The following UBL7 variants were observed in gnomAD, a reference collection of about 807,000 sequenced individuals.
The protein encoded by UBL7 is ubiquitin like 7.
Under a neutral mutation model 41.7 loss-of-function variants are expected in UBL7, and 21 were observed. That is an observed-to-expected ratio of 0.50 (90% CI 0.36 to 0.73). The LOEUF (loss-of-function observed/expected upper bound fraction) is 0.73, where lower values mean the gene tolerates loss of function less well. UBL7 is among the 30% of genes least tolerant of loss of function. The pLI, the probability that UBL7 is intolerant of heterozygous loss-of-function variation, is 0.00. For missense variants in UBL7, 403 were observed against 478.4 expected (o/e 0.84, Z 1.47); for synonymous variants, 157 against 186.9 (o/e 0.84, Z 1.31).
chr15:74,448,690 C>G, intron 9 of UBL7, 90 bp from the exon 10 acceptor site: 6 of 1,528,242 alleles, frequency 3.9e-6, no homozygotes, highest in Non-Finnish European at 5.3e-6. Flanking sequence ...TCACAGCACT[C>G]CTGAGGTACC....
intron 1 of UBL7, among the ~76,000 whole-genome samples, chr15:74,459,373 T>G (rs963947004): frequency 6.6e-6 from 1 of 150,670 alleles, no homozygotes; most frequent in African/African-American, 2.4e-5. Context: ...CGATCTCGGC[T>G]CACTGCAAGC....
At chr15:74,458,932 G>T in intron 1 of UBL7, 36 bp from the exon 2 acceptor site, 1 of 1,584,582 alleles carries the variant, frequency 6.3e-7, no homozygotes, top group Non-Finnish European at 8.6e-7. Flanking sequence ...TTAAAAGACA[G>T]ACCACCACTC....
chr15:74,458,390 G>T (rs566001097), intron 2 of UBL7, among the ~76,000 whole-genome samples: 3 of 151,880 alleles, frequency 2.0e-5, no homozygotes, highest in African/African-American at 7.3e-5. Context: ...AGCCGAGATC[G>T]CACCACTGCA....
chr15:74,461,104 T>C lies in UBL7; in HGVS notation c.-97A>G, dbSNP rs1333435349. 5 of 997,932 alleles carry C rather than the reference T, an allele frequency of 5.0e-6. No individual in the cohort carries two copies. The highest frequency in any genetic ancestry group is 4.8e-6 in the Non-Finnish European group (4 of 836,278). 61.8% of individuals were successfully genotyped at this position (997,932 alleles called of 1,614,324 possible). On this transcript the variant is annotated 5_prime_UTR_variant, in exon 1 of 11. Coordinates refer to ENST00000395081, the MANE Select transcript of UBL7 (RefSeq NM_032907.5). ...CGCGCTGCCCAGGGCCCCAGCGCCC[T>C]CACCCGTCCCGCGGAAGGAACCCGG...
intron 1 of UBL7, among the ~76,000 whole-genome samples, chr15:74,459,910 G>A (rs2061332052): frequency 8.1e-6 from 1 of 122,718 alleles, no homozygotes; most frequent in Non-Finnish European, 1.6e-5. Flanking sequence ...TCCAGCCTGG[G>A]TGACAGAGAG....
At position 74,446,682 on chromosome 15, in the gene UBL7, T is replaced by C. The variant is rs1719769315; in HGVS notation, c.1006-455A>G. Among the ~76,000 whole-genome samples the C allele has an allele frequency of 6.6e-6, 1 of 152,218 alleles. No homozygotes were observed. Among genetic ancestry groups the C allele is most frequent in the African/African-American group, 2.4e-5 (1 of 41,452 alleles). The stretch of plus-strand genomic sequence containing the variant: ...CCTTTTTTTAAATGTCTTAAATTTT[T>C]GTGGTATATAGTAGGTATATCTATT... On this transcript the variant is annotated intron_variant, in intron 10 of 10. Transcript: ENST00000395081. This position sits in a 1 kb window ranked among gnomAD's most constrained non-coding sequence, Gnocchi z 4.1.
In UBL7 at chr15:74,449,929, C is replaced by T. The variant is rs764090335; in HGVS notation, c.664+7G>A. On this transcript the variant is annotated splice_region_variant and intron_variant, in intron 7 of 10. Coordinates refer to ENST00000395081, the MANE Select transcript of UBL7 (RefSeq NM_032907.5). ...AGGGGCCCACATTACACTTTTCAGG[C>T]GCTCACCTGGCATATCCCGGTATGA... is the stretch of plus-strand genomic sequence containing the variant. The T allele has an allele frequency of 1.0e-5, 16 of 1,607,434 alleles. No individual in the cohort carries two copies. Among genetic ancestry groups the T allele is most frequent in the South Asian group, 5.6e-5 (5 of 89,638 alleles).
chr15:74,450,710 G>A, intron 6 of UBL7, 92 bp downstream of exon 6: 1 of 1,391,576 alleles, frequency 7.2e-7, no homozygotes, highest in Admixed American at 1.7e-5. Context: ...ACTATGGATG[G>A]GCTCCCAGAG....
intron 2 of UBL7, among the ~76,000 whole-genome samples, chr15:74,456,911 G>A (rs370034366): frequency 9.2e-5 from 14 of 152,050 alleles, no homozygotes; most frequent in African/African-American, 3.4e-4. Context: ...CTGGGGTCAA[G>A]CAATTCTCCC....
At chr15:74,457,850 A>G (rs2061309537) in intron 2 of UBL7, among the ~76,000 whole-genome samples, 1 of 152,068 alleles carries the variant, frequency 6.6e-6, no homozygotes, top group African/African-American at 2.4e-5. Context: ...ACAAAATAGG[A>G]TGAACCCAAT....
chr15:74,449,348 G>A lies in UBL7; in HGVS notation c.720C>T (p.Thr240=). The A allele has an allele frequency of 6.2e-7, 1 of 1,613,996 alleles. No individual in the cohort carries two copies. The highest frequency in any genetic ancestry group is 8.5e-7 in the Non-Finnish European group (1 of 1,179,972). Residue 240 remains threonine (T), a synonymous_variant, in exon 9 of 11, where the codon ACC becomes ACT. Transcript: ENST00000395081. ...SDDEDDFHPN[T]RSTPSSSTPS... is the part of the protein sequence containing the mutation. ...GAGTACTGCTAGAGGGTGTGGACCT[G>A]GTGTTCTGGAGAAAGAAGACACTCA...
chr15:74,449,099 AG>A, intron 9 of UBL7, 86 bp downstream of exon 9: 1 of 1,445,114 alleles, frequency 6.9e-7, no homozygotes, highest in Non-Finnish European at 9.2e-7. Context: ...ATCTAGCACC[AG>A]GGTCAGCAAA....
intron 3 of UBL7, 113 bp downstream of exon 3, chr15:74,456,439 G>T: frequency 7.4e-7 from 1 of 1,356,204 alleles, no homozygotes; most frequent in East Asian, 2.3e-5. Context: ...TTTATCATCA[G>T]CTCAGTAAAT....
chr15:74,452,203 C>A, intron 4 of UBL7, 93 bp downstream of exon 4: 2 of 1,357,274 alleles, frequency 1.5e-6, no homozygotes, highest in South Asian at 2.6e-5. Context: ...GTTGCCATGG[C>A]AACGGGCTTC....
In UBL7 at chr15:74,446,730, A is replaced by G. The variant is rs186963595; in HGVS notation, c.1006-503T>C. Among the ~76,000 whole-genome samples the G allele has an allele frequency of 1.1e-4, 17 of 152,296 alleles. No individual in the cohort carries two copies. In the East Asian group the frequency reaches 3.1e-3, roughly 28 times the overall value. Reference sequence around the variant, plus strand: ...ATTTGTGGACTGTAAGAGATGTTTTAAATTTTTCGCTTTTACAAACCCAAA... The same window carrying G: ...ATTTGTGGACTGTAAGAGATGTTTTGAATTTTTCGCTTTTACAAACCCAAA... On this transcript the variant is annotated intron_variant, in intron 10 of 10. Transcript: ENST00000395081. The surrounding 1 kb of genome is among the most constrained non-coding windows in gnomAD (Gnocchi z 4.1).
rs757450572 is a variant in UBL7, at chr15:74,458,766, C to T, written c.102G>A (p.Ser34=). ...RLPETELGEY[S]LGGYSISFLK... ...GAAATGAAATACTATAGCCCCCTAG[C>T]GAGTATTCTCCCAGTTCTGTCTCTG... The change falls in exon 2 of 11, where the codon TCG becomes TCA. Residue 34 remains serine (S), a synonymous_variant. Coordinates refer to ENST00000395081, the MANE Select transcript of UBL7 (RefSeq NM_032907.5). 15 of 1,613,888 alleles carry T rather than the reference C, an allele frequency of 9.3e-6. No individual in the cohort carries two copies. Among genetic ancestry groups the T allele is most frequent in the South Asian group, 2.2e-5 (2 of 91,092 alleles).
rs563591306 is a variant in UBL7, at chr15:74,458,696, G to A, written c.172C>T (p.Pro58Ser). ...CAGAGAGACTCACCAATCAGCTCAG[G>A]GTCTGGAACAGACTCCTGGAGTTTG... is the stretch of plus-strand genomic sequence containing the variant. Reference protein sequence around the residue: ...AGKLQESVPDPELIDLIYCGR... With the variant: ...AGKLQESVPDSELIDLIYCGR... Residue 58 changes from proline (P) to serine (S), a missense_variant, in exon 2 of 11, where the codon CCT (proline) becomes TCT (serine). Pro to Ser is a moderately conservative substitution (Grantham distance 74). Coordinates refer to ENST00000395081, the MANE Select transcript of UBL7 (RefSeq NM_032907.5). 6.2e-7 allele frequency: 1 copy of A among 1,613,374 alleles called. No individual in the cohort carries two copies. The highest frequency in any genetic ancestry group is 2.2e-5 in the East Asian group (1 of 44,862).
chr15:74,459,592 C>G (rs1440151793), intron 1 of UBL7, among the ~76,000 whole-genome samples: 2 of 150,772 alleles, frequency 1.3e-5, no homozygotes, highest in African/African-American at 4.9e-5. Context: ...GCTGGGATTA[C>G]AGGCATGAGC....
At chr15:74,457,566 T>C (rs1036222542) in intron 2 of UBL7, among the ~76,000 whole-genome samples, 1 of 146,158 alleles carries the variant, frequency 6.8e-6, no homozygotes, top group Admixed American at 6.8e-5. Context: ...TATATATATA[T>C]ATACACACAT....
Sources: allele counts gnomAD v4.1 joint callset (sites outside exome capture counted in the v4.1 genomes callset), GRCh38; gene constraint gnomAD v4.1.1; non-coding constraint Gnocchi (gnomAD v3.1); transcripts MANE v1.5; gene names NCBI Gene and HGNC (gene_info 2026-07-23, HGNC 2026-07-21).